The following TOMM20 variants were observed in gnomAD, a reference collection of about 807,000 sequenced individuals.
The protein encoded by TOMM20 is mitochondrial import receptor subunit TOM20 homolog.
In TOMM20, 10 loss-of-function variants were observed where a neutral mutation model predicts 22.1. The observed-to-expected ratio is 0.45, with a 90% CI of 0.28 to 0.77. The LOEUF is 0.77. Among genes scored for constraint, TOMM20 ranks in the 30% least tolerant of loss-of-function variants. TOMM20 has a pLI of 0.13. For missense variants in TOMM20, 121 were observed against 172.2 expected (o/e 0.70, Z 1.66); for synonymous variants, 55 against 61.4 (o/e 0.90, Z 0.49).
At chr1:235,128,493 C>G in intron 1 of TOMM20, 102 bp downstream of exon 1, 3 of 1,565,986 alleles carry the variant, frequency 1.9e-6, no homozygotes, top group South Asian at 1.2e-5. Context: ...ACCACGCGGT[C>G]GCCCTGCGCG....
chr1:235,124,597 C>A (rs1356126552), intron 1 of TOMM20, among the ~76,000 whole-genome samples: 1 of 152,148 alleles, frequency 6.6e-6, no homozygotes, highest in Non-Finnish European at 1.5e-5. Context: ...GTGAGACATA[C>A]AATTTGCTAA....
chr1:235,127,770 GAC>G (rs759703561), intron 1 of TOMM20: 1 of 458,952 alleles, frequency 2.2e-6, no homozygotes, highest in African/African-American at 2.0e-5. Flanking sequence ...CGGTTTTCAT[GAC>G]ACGATTCCCC....
At chr1:235,121,617 C>A (rs978797688) in intron 2 of TOMM20, among the ~76,000 whole-genome samples, 1 of 152,172 alleles carries the variant, frequency 6.6e-6, no homozygotes, top group Non-Finnish European at 1.5e-5. Flanking sequence ...CTTGTCTCAA[C>A]TTGCTTTAAA....
intron 4 of TOMM20, among the ~76,000 whole-genome samples, chr1:235,112,442 C>T (rs919764278): frequency 6.6e-6 from 1 of 152,122 alleles, no homozygotes; most frequent in African/African-American, 2.4e-5. Context: ...TGGGCTCAAG[C>T]GATCCTCCCC....
At position 235,110,430 on chromosome 1, in the gene TOMM20, TG is replaced by T. The variant is rs1042229384; in HGVS notation, c.*1633del. 1.7e-4 allele frequency: 26 copies of T among 152,254 alleles called. No homozygotes were observed. Among genetic ancestry groups the T allele is most frequent in the African/African-American group, 6.3e-4 (26 of 41,432 alleles). 9.4% of individuals were successfully genotyped at this position (152,254 alleles called of 1,614,324 possible). A position where few individuals can be genotyped will look rare whatever the true frequency, so the allele number is the denominator to read the frequency against. On this transcript the variant is annotated 3_prime_UTR_variant, in exon 5 of 5. Coordinates refer to ENST00000366607, the MANE Select transcript of TOMM20 (RefSeq NM_014765.3). ...AATCACCACTACACTGCTTTGGATT[TG>T]GGATCCCACTAGTAAAACTAACTGG... is the stretch of plus-strand genomic sequence containing the variant.
chr1:235,122,911 A>C (rs901677647), intron 1 of TOMM20, among the ~76,000 whole-genome samples: 1 of 152,236 alleles, frequency 6.6e-6, no homozygotes, highest in African/African-American at 2.4e-5. Context: ...GCCTGGAACC[A>C]GTCACTCAAG....
intron 1 of TOMM20, among the ~76,000 whole-genome samples, chr1:235,122,744 G>A (rs186413138): frequency 1.3e-5 from 2 of 152,300 alleles, no homozygotes; most frequent in Non-Finnish European, 2.9e-5. Flanking sequence ...TTTTATTACT[G>A]AAATATGCCA....
chr1:235,125,109 G>C (rs1308150591), intron 1 of TOMM20, among the ~76,000 whole-genome samples: 1 of 152,176 alleles, frequency 6.6e-6, no homozygotes, highest in East Asian at 1.9e-4. Flanking sequence ...CAAGGATCCT[G>C]ATACTCTGCT....
chr1:235,120,727 T>C (rs2102811189), intron 2 of TOMM20, among the ~76,000 whole-genome samples: 1 of 151,954 alleles, frequency 6.6e-6, no homozygotes, highest in African/African-American at 2.4e-5. Context: ...AAAGATTAGC[T>C]AGGCATGGTG....
At chr1:235,127,407 T>C (rs1473642914) in intron 1 of TOMM20, among the ~76,000 whole-genome samples, 1 of 152,226 alleles carries the variant, frequency 6.6e-6, no homozygotes, top group Admixed American at 6.5e-5. Context: ...GTCTGCCTAG[T>C]CATAAATCAA....
intron 1 of TOMM20, 60 bp from the exon 2 acceptor site, chr1:235,122,432 ATTC>A: frequency 6.8e-7 from 1 of 1,475,626 alleles, no homozygotes; most frequent in East Asian, 2.3e-5. Flanking sequence ...AATCAAAAGA[ATTC>A]TAACTGCTGT....
chr1:235,128,459 G>A (rs1432857242), intron 1 of TOMM20, 136 bp downstream of exon 1: 1 of 1,378,178 alleles, frequency 7.3e-7, no homozygotes, highest in African/African-American at 1.5e-5. Flanking sequence ...GGCGCAGCCA[G>A]CGCCATCGCC....
Position 235,128,640 on chromosome 1 carries a change from G to A in TOMM20, c.76C>T (p.Arg26Cys), listed in dbSNP as rs1661079092. The change falls in exon 1 of 5, where the codon CGC becomes TGC. Residue 26 changes from arginine (R) to cysteine (C), a missense_variant. Arg to Cys is a radical substitution (Grantham distance 180). Coordinates refer to ENST00000366607, the MANE Select transcript of TOMM20 (RefSeq NM_014765.3). ...LFIGYCIYFD[R>C]KRRSDPNFKN... ...AAGTTGGGGTCACTTCGTCTTTTGC[G>A]GTCGAAGTAGATGCAGTACCCAATG... is the stretch of plus-strand genomic sequence containing the variant. The A allele has an allele frequency of 6.2e-7, 1 of 1,613,630 alleles. No homozygotes were observed. Among genetic ancestry groups the A allele is most frequent in the African/African-American group, 1.3e-5 (1 of 74,926 alleles).
Position 235,110,024 on chromosome 1 carries a change from C to T in TOMM20, c.*2040G>A, listed in dbSNP as rs182975542. ...TGCTGATTTTTTCTTTAACTCGACACAGCTAGCTTTAAAAAGTGGTACCTC... is the reference window on the plus strand; with the variant it reads ...TGCTGATTTTTTCTTTAACTCGACATAGCTAGCTTTAAAAAGTGGTACCTC... On this transcript the variant is annotated 3_prime_UTR_variant, in exon 5 of 5. Coordinates refer to ENST00000366607, the MANE Select transcript of TOMM20 (RefSeq NM_014765.3). The T allele has an allele frequency of 6.6e-6, 1 of 152,306 alleles. No homozygotes were observed. Among genetic ancestry groups the T allele is most frequent in the Admixed American group, 6.5e-5 (1 of 15,292 alleles). 9.4% of individuals were successfully genotyped at this position (152,306 alleles called of 1,614,324 possible). A position where few individuals can be genotyped will look rare whatever the true frequency, so the allele number is the denominator to read the frequency against.
chr1:235,119,848 T>C lies in TOMM20; in HGVS notation c.220A>G (p.Ile74Val). The C allele has an allele frequency of 6.2e-7, 1 of 1,612,726 alleles. No individual in the cohort carries two copies. The highest frequency in any genetic ancestry group is 8.5e-7 in the Non-Finnish European group (1 of 1,179,156). ...EAVQKFFLEE[I>V]QLGEELLAQG... is the part of the protein sequence containing the mutation. ...GCTAGTAACTCTTCACCAAGCTGTA[T>C]TTCTTCAAGGAAGAACTTCTGAACA... The change falls in exon 3 of 5, where the codon ATA (isoleucine) becomes GTA (valine). Residue 74 changes from isoleucine to valine, a missense_variant. By Grantham distance (29) the Ile-to-Val change is conservative (BLOSUM62 3). Transcript: ENST00000366607.
chr1:235,116,383 A>G (rs1244432372), intron 3 of TOMM20, among the ~76,000 whole-genome samples: 5 of 152,118 alleles, frequency 3.3e-5, no homozygotes, highest in Non-Finnish European at 4.4e-5. Flanking sequence ...TACTAAAAAT[A>G]CAAAAATTAG....
intron 3 of TOMM20, among the ~76,000 whole-genome samples, chr1:235,115,705 CT>C (rs1400890815): frequency 6.6e-6 from 1 of 152,204 alleles, no homozygotes; most frequent in Non-Finnish European, 1.5e-5. Context: ...CATTTCTGTA[CT>C]TCTGAGCAGA....
intron 1 of TOMM20, among the ~76,000 whole-genome samples, chr1:235,126,968 C>T (rs995801370): frequency 1.3e-5 from 2 of 152,078 alleles, no homozygotes; most frequent in Admixed American, 6.6e-5. Flanking sequence ...ATTAGGTTGC[C>T]GCTAAATCCA....
At chr1:235,119,142 T>C (rs1660884707) in intron 3 of TOMM20, among the ~76,000 whole-genome samples, 1 of 152,216 alleles carries the variant, frequency 6.6e-6, no homozygotes, top group Admixed American at 6.5e-5. Context: ...AATCTACTTT[T>C]GAGATTATTG....
Sources: gnomAD v4.1 joint callset for allele counts (sites outside exome capture counted in the v4.1 genomes callset) on GRCh38, gnomAD v4.1.1 for gene constraint, MANE v1.5 for transcripts, NCBI Gene and HGNC (gene_info 2026-07-23, HGNC 2026-07-21) for gene names.